Variants in ZNF503 observed in about 807,000 individuals in gnomAD.
The protein encoded by ZNF503 is zinc finger protein 503.
ZNF503 carries 15 observed loss-of-function variants against 34.4 expected under a neutral mutation model. That is an observed-to-expected ratio of 0.44 (90% confidence interval 0.29 to 0.67). The LOEUF (loss-of-function observed/expected upper bound fraction) is 0.67. ZNF503 is among the 30% of genes least tolerant of loss of function. The probability of loss-of-function intolerance (pLI) is 0.13; values close to 1 mark genes in which losing one functional copy is unlikely to be tolerated. For missense variants in ZNF503, 1,007 were observed against 926.8 expected (o/e 1.09, Z -1.12); for synonymous variants, 580 against 456.8 (o/e 1.27, Z -3.44).
the ZNF503 span, among the ~76,000 whole-genome samples, chr10:75,357,379 A>G: frequency 6.6e-6 from 1 of 151,730 alleles, no homozygotes; most frequent in Non-Finnish European, 1.5e-5. Flanking sequence ...TTAGCTGGGC[A>G]TGGTGGTGCA....
chr10:75,387,221 C>T, the ZNF503 span, among the ~76,000 whole-genome samples: 1 of 152,208 alleles, frequency 6.6e-6, no homozygotes, highest in Admixed American at 6.5e-5. Flanking sequence ...TCCCTGGGGC[C>T]TGGGGAAGGA....
chr10:75,353,786 C>A, the ZNF503 span, among the ~76,000 whole-genome samples: 3 of 152,184 alleles, frequency 2.0e-5, no homozygotes, highest in South Asian at 2.1e-4. Context: ...AAACAGATAA[C>A]CCCTTGCTAC....
chr10:75,312,101 T>C, the ZNF503 span, among the ~76,000 whole-genome samples: 2 of 152,200 alleles, frequency 1.3e-5, no homozygotes, highest in East Asian at 3.9e-4. Context: ...ATCTGTCAGA[T>C]AATTTTAGCA....
At chr10:75,393,248 G>C (rs918734432), downstream of ZNF503, among the ~76,000 whole-genome samples, 1 of 152,210 alleles carries the variant, frequency 6.6e-6, no homozygotes, top group Non-Finnish European at 1.5e-5. Context: ...TTCCAGGTCT[G>C]AAAGAAGTAG....
In ZNF503 at chr10:75,399,452, A is replaced by G. The variant is rs1843750734; in HGVS notation, c.1238T>C (p.Leu413Ser). The G allele has an allele frequency of 3.1e-6, 5 of 1,590,200 alleles. No individual in the cohort carries two copies. Among genetic ancestry groups the G allele is most frequent in the Non-Finnish European group, 4.3e-6 (5 of 1,173,964 alleles). Residue 413 changes from leucine to serine, a missense_variant, in exon 2 of 2, where the codon TTG becomes TCG. Leu to Ser is a moderately radical substitution (Grantham distance 145). Coordinates refer to ENST00000372524, the MANE Select transcript of ZNF503 (RefSeq NM_032772.6). ...CACGGACGGCGGAGACGCTCCGGCC[A>G]AAGGGCTGGAGCCGGCCGGCTTACT... ...GCSKPAGSSP[L>S]AGASPPSVMT...
chr10:75,373,013 T>G, the ZNF503 span, among the ~76,000 whole-genome samples: 2 of 152,122 alleles, frequency 1.3e-5, no homozygotes, highest in African/African-American at 4.8e-5. Context: ...GAAGGGAGGC[T>G]GGGGGAAGGA....
At chr10:75,300,252 C>T in the ZNF503 span, among the ~76,000 whole-genome samples, 1,943 of 152,326 alleles carry the variant, frequency 0.013, 40 homozygotes, top group African/African-American at 0.044. Context: ...CCGCCTGGCT[C>T]ACCGGCGGTC....
the ZNF503 span, among the ~76,000 whole-genome samples, chr10:75,339,230 CA>C: frequency 6.7e-6 from 1 of 149,992 alleles, no homozygotes; most frequent in Non-Finnish European, 1.5e-5. Context: ...GACTCCGTCT[CA>C]AAAAAAAAGA....
At chr10:75,367,617 T>C in the ZNF503 span, among the ~76,000 whole-genome samples, 1 of 152,156 alleles carries the variant, frequency 6.6e-6, no homozygotes, top group Non-Finnish European at 1.5e-5. Flanking sequence ...ACATATAGGC[T>C]CAAAGAAGCC....
At chr10:75,367,069 C>T in the ZNF503 span, among the ~76,000 whole-genome samples, 2 of 152,192 alleles carry the variant, frequency 1.3e-5, no homozygotes, top group Non-Finnish European at 2.9e-5. Flanking sequence ...AAGATAATTG[C>T]AAACACACTT....
At chr10:75,401,072 G>T in intron 1 of ZNF503, 33 bp downstream of exon 1, 1 of 1,613,184 alleles carries the variant, frequency 6.2e-7, no homozygotes. Context: ...CCAGGGTAGT[G>T]GTCCCAGTGC....
chr10:75,373,159 C>T, the ZNF503 span, among the ~76,000 whole-genome samples: 8 of 152,258 alleles, frequency 5.3e-5, no homozygotes, highest in African/African-American at 1.9e-4. Context: ...GCTAACAGCT[C>T]AGCCCTTCAC....
chr10:75,327,415 GC>G, the ZNF503 span, among the ~76,000 whole-genome samples: 27 of 152,166 alleles, frequency 1.8e-4, no homozygotes, highest in African/African-American at 6.5e-4. Context: ...CATCCGTGTT[GC>G]CATGAAAAAC....
At chr10:75,377,533 C>G in the ZNF503 span, among the ~76,000 whole-genome samples, 2 of 152,156 alleles carry the variant, frequency 1.3e-5, no homozygotes, top group Admixed American at 1.3e-4. Flanking sequence ...TGTCTGGAAG[C>G]ATCTGAGTTC....
the ZNF503 span, among the ~76,000 whole-genome samples, chr10:75,370,742 G>A: frequency 2.5e-5 from 3 of 118,084 alleles, no homozygotes; most frequent in African/African-American, 9.9e-5. Flanking sequence ...TTGTGCCACT[G>A]CACTCCAGCC....
In ZNF503 at chr10:75,399,628, G is replaced by T; in HGVS notation, c.1062C>A (p.Pro354=). 1 of 1,598,590 alleles carries T rather than the reference G, an allele frequency of 6.3e-7. No homozygotes were observed. Residue 354 remains proline (P), a synonymous_variant, in exon 2 of 2, where the codon CCC becomes CCA. Transcript: ENST00000372524. ...GGCTGCCTGGGTAGGTCATACCCGCGGGAGGCAGAGGGAACACTGTCTGGC... is the reference window on the plus strand; with the variant it reads ...GGCTGCCTGGGTAGGTCATACCCGCTGGAGGCAGAGGGAACACTGTCTGGC... ...KPGQTVFPLP[P]AGMTYPGSLA... is the part of the protein sequence containing the mutation.
the ZNF503 span, among the ~76,000 whole-genome samples, chr10:75,335,118 T>C: frequency 6.6e-6 from 1 of 152,310 alleles, no homozygotes; most frequent in African/African-American, 2.4e-5. Flanking sequence ...TATTAACTTT[T>C]CTGAGCCTCA....
chr10:75,337,696 A>G, the ZNF503 span, among the ~76,000 whole-genome samples: 2 of 152,146 alleles, frequency 1.3e-5, no homozygotes, highest in African/African-American at 2.4e-5. Context: ...GTCTTGGGGA[A>G]CCATCTTTAG....
chr10:75,358,164 A>G, the ZNF503 span: 3 of 152,160 alleles, frequency 2.0e-5, no homozygotes, highest in African/African-American at 7.2e-5. Context: ...CTTTTGCTGG[A>G]TGTCAGAATT....
Sources: allele counts gnomAD v4.1 joint callset (sites outside exome capture counted in the v4.1 genomes callset), GRCh38; gene constraint gnomAD v4.1.1; transcripts MANE v1.5; gene names NCBI Gene and HGNC (gene_info 2026-07-23, HGNC 2026-07-21).